Variants in LHX9 observed in about 807,000 individuals in gnomAD.
LHX9 encodes LIM homeobox 9.
LHX9 carries 9 observed loss-of-function variants against 36.5 expected under a neutral mutation model. The ratio of observed to expected loss-of-function variants is 0.25; its 90% CI spans 0.15 to 0.43. The LOEUF (loss-of-function observed/expected upper bound fraction) is 0.43. Ranked by LOEUF, LHX9 falls within the 20% of genes least tolerant of loss-of-function variation. The probability of loss-of-function intolerance (pLI) is 1.00; values close to 1 mark genes in which losing one functional copy is unlikely to be tolerated. For missense variants in LHX9, 464 were observed against 526.4 expected (o/e 0.88, Z 1.16); for synonymous variants, 211 against 212.1 (o/e 0.99, Z 0.04).
At chr1:197,915,139 CA>C (rs1659709945), upstream of LHX9, among the ~76,000 whole-genome samples, 1 of 152,184 alleles carries the variant, frequency 6.6e-6, no homozygotes, top group Non-Finnish European at 1.5e-5. Flanking sequence ...GGGCAATATG[CA>C]ACAAGAACCA....
At chr1:197,912,682 T>C, upstream of LHX9, 4 of 1,049,088 alleles carry the variant, frequency 3.8e-6, no homozygotes, top group Non-Finnish European at 6.0e-6. Context: ...TGTGTGTTTG[T>C]CTTAAAAATT....
chr1:197,920,003 C>T lies in LHX9; in HGVS notation c.206C>T (p.Ala69Val), dbSNP rs1659923495. The change falls in exon 2 of 5, where the codon GCC becomes GTC. Residue 69 changes from alanine (A) to valine (V), a missense_variant. Coordinates refer to ENST00000367387, the MANE Select transcript of LHX9 (RefSeq NM_020204.3). ...CCCCCGCTCAGCCCGGAGAAGCCCG[C>T]CCTGTGCGCCGGCTGCGGGGGCAAG... ...GMPPLSPEKP[A>V]LCAGCGGKIS... 1 of 1,614,074 alleles carries T rather than the reference C, an allele frequency of 6.2e-7. No individual in the cohort carries two copies. The highest frequency in any genetic ancestry group is 8.5e-7 in the Non-Finnish European group (1 of 1,180,052).
In LHX9 at chr1:197,929,505, C is replaced by CT. The variant is rs1311448459; in HGVS notation, c.*249dup. 2 of 980,170 alleles carry CT rather than the reference C, an allele frequency of 2.0e-6. No individual in the cohort carries two copies. The highest frequency in any genetic ancestry group is 2.4e-6 in the Non-Finnish European group (2 of 816,654). The allele number at this position is 980,170 out of a possible 1,614,324, so 60.7% of individuals were successfully genotyped here. On this transcript the variant is annotated 3_prime_UTR_variant, in exon 5 of 5. Transcript: ENST00000367387. ...TTGGATTTAAAAAAATTAATTAGGT[C>CT]TTTCAGTTGGTAAGGAGAGTTTTTG... is the stretch of plus-strand genomic sequence containing the variant.
rs1422523677 is a variant in LHX9 at position 197,931,586 on chromosome 1, C to T, written c.*2327C>T. The stretch of plus-strand genomic sequence containing the variant: ...TACAACATTGTTAGAAATATTTAAA[C>T]ATACAAATAGTTTTTAGACTTCCAA... On this transcript the variant is annotated 3_prime_UTR_variant, in exon 5 of 5. Transcript: ENST00000367387. 4.8e-6 allele frequency: 1 copy of T among 210,370 alleles called. No individual in the cohort carries two copies. The highest frequency in any genetic ancestry group is 9.5e-6 in the Non-Finnish European group (1 of 105,678). 13.0% of individuals were successfully genotyped at this position (210,370 alleles called of 1,614,324 possible). A position where few individuals can be genotyped will look rare whatever the true frequency, so the allele number is the denominator to read the frequency against.
At chr1:197,915,109 T>C (rs60091601), upstream of LHX9, among the ~76,000 whole-genome samples, 4,395 of 152,328 alleles carry the variant, frequency 0.029, 237 homozygotes, top group African/African-American at 0.099. Flanking sequence ...GGGTTCTTCA[T>C]TGTTGATTTT....
chr1:197,922,457 C>T (rs542345433), intron 3 of LHX9, among the ~76,000 whole-genome samples: 23 of 152,282 alleles, frequency 1.5e-4, no homozygotes, highest in African/African-American at 3.6e-4. Flanking sequence ...TTGGGGGACA[C>T]GCCTATCATG....
chr1:197,912,703 T>C (rs1557968210), upstream of LHX9: 7 of 856,042 alleles, frequency 8.2e-6, no homozygotes, highest in East Asian at 1.2e-4. Flanking sequence ...AAACCGCGCT[T>C]CGTAGGCTCA....
chr1:197,919,990 C>T lies in LHX9; in HGVS notation c.193C>T (p.Pro65Ser). ...GRDAGMPPLS[P>S]EKPALCAGCG... Reference sequence around the variant, plus strand: ...TTTGCAGGGCATGCCCCCGCTCAGCCCGGAGAAGCCCGCCCTGTGCGCCGG... The same window carrying T: ...TTTGCAGGGCATGCCCCCGCTCAGCTCGGAGAAGCCCGCCCTGTGCGCCGG... The change falls in exon 2 of 5, where the codon CCG becomes TCG. Residue 65 changes from proline (P) to serine (S), a missense_variant. Pro to Ser is a moderately conservative substitution (Grantham distance 74, BLOSUM62 -1). Transcript: ENST00000367387. The T allele has an allele frequency of 6.2e-7, 1 of 1,614,174 alleles. No homozygotes were observed. The highest frequency in any genetic ancestry group is 8.5e-7 in the Non-Finnish European group (1 of 1,180,038).
upstream of LHX9, among the ~76,000 whole-genome samples, chr1:197,913,990 A>G (rs953929621): frequency 4.6e-5 from 7 of 152,042 alleles, no homozygotes; most frequent in Admixed American, 2.0e-4. Flanking sequence ...TTCTTTGCCC[A>G]TGTAGACCCA....
chr1:197,917,671 C>T lies in LHX9; in HGVS notation c.-153C>T, dbSNP rs551044921. 56 of 1,555,594 alleles carry T rather than the reference C, an allele frequency of 3.6e-5. No individual in the cohort carries two copies. In the South Asian group the frequency reaches 6.3e-4, roughly 18 times the overall value. On this transcript the variant is annotated 5_prime_UTR_variant, in exon 1 of 5. Transcript: ENST00000367387. Reference sequence around the variant, plus strand: ...TTCTTTTTGCTTCCCCTCGGCCCCCCAAGCAGACCGATTTCCACTCCATCT... The same window carrying T: ...TTCTTTTTGCTTCCCCTCGGCCCCCTAAGCAGACCGATTTCCACTCCATCT...
rs1215270440 is a variant in LHX9 at position 197,929,157 on chromosome 1, C to T, written c.1092C>T (p.Asp364=). ...TPPGTATTLT[D]LTNPTITVVT... is the part of the protein sequence containing the mutation. ...CCGGCACTGCGACCACTTTAACAGA[C>T]CTGACCAATCCCACTATCACTGTAG... The change falls in exon 5 of 5, where the codon GAC becomes GAT. Residue 364 remains aspartate (D), a synonymous_variant. Coordinates refer to ENST00000367387, the MANE Select transcript of LHX9 (RefSeq NM_020204.3). The T allele has an allele frequency of 6.2e-7, 1 of 1,613,108 alleles. No homozygotes were observed. The highest frequency in any genetic ancestry group is 1.3e-5 in the African/African-American group (1 of 75,026).
rs1480882388 is a variant in LHX9, at chr1:197,930,872, C to T, written c.*1613C>T. On this transcript the variant is annotated 3_prime_UTR_variant, in exon 5 of 5. Transcript: ENST00000367387. ...AGTATGGTTATCATCTTATATGGAG[C>T]TTAAATCTTGACTTTTCATACTTCT... is the stretch of plus-strand genomic sequence containing the variant. The T allele has an allele frequency of 1.3e-5, 2 of 151,970 alleles. No individual in the cohort carries two copies. Among genetic ancestry groups the T allele is most frequent in the African/African-American group, 2.4e-5 (1 of 41,428 alleles). 9.4% of individuals were successfully genotyped at this position (151,970 alleles called of 1,614,324 possible). A position where few individuals can be genotyped will look rare whatever the true frequency, so the allele number is the denominator to read the frequency against.
At chr1:197,915,020 C>CT (rs1271761827), upstream of LHX9, among the ~76,000 whole-genome samples, 1 of 152,128 alleles carries the variant, frequency 6.6e-6, no homozygotes, top group African/African-American at 2.4e-5. Context: ...AAAGTTCTGG[C>CT]TTTTTCCTGG....
rs1571410450 is a variant in LHX9, at chr1:197,932,187, C to G, written c.*2928C>G. 2.4e-6 allele frequency: 1 copy of G among 415,500 alleles called. No homozygotes were observed. The highest frequency in any genetic ancestry group is 3.4e-5 in the East Asian group (1 of 29,570). The allele number at this position is 415,500 out of a possible 1,614,324, so 25.7% of individuals were successfully genotyped here. On this transcript the variant is annotated 3_prime_UTR_variant, in exon 5 of 5. Transcript: ENST00000367387. ...AAGGCCTAAAATTATGTGGTTTAAACAAAATTAGATAAACCATGTACAAAA... is the reference window on the plus strand; with the variant it reads ...AAGGCCTAAAATTATGTGGTTTAAAGAAAATTAGATAAACCATGTACAAAA...
chr1:197,917,090 ATGTGTGTGTGTGTG>A (rs5779891), upstream of LHX9: 1 of 157,416 alleles, frequency 6.4e-6, no homozygotes. Flanking sequence ...TCTTGGAAGG[ATGTGTGTGTGTGTG>A]TGTGTGTGTG....
At position 197,931,895 on chromosome 1, in the gene LHX9, A is replaced by C. The variant is rs2102605493; in HGVS notation, c.*2636A>C. 6.5e-7 allele frequency: 1 copy of C among 1,542,060 alleles called. No individual in the cohort carries two copies. Among genetic ancestry groups the C allele is most frequent in the Non-Finnish European group, 8.8e-7 (1 of 1,139,882 alleles). On this transcript the variant is annotated 3_prime_UTR_variant, in exon 5 of 5. Transcript: ENST00000367387. Reference sequence around the variant, plus strand: ...AAGCCAAGTTGCTCTGTAGTTAATAAATTGTCACTATGATTTTTTTCAGGG... The same window carrying C: ...AAGCCAAGTTGCTCTGTAGTTAATACATTGTCACTATGATTTTTTTCAGGG...
intron 1 of LHX9, among the ~76,000 whole-genome samples, 188 bp from the exon 2 acceptor site, chr1:197,919,784 G>A (rs1385290108): frequency 6.6e-6 from 1 of 152,256 alleles, no homozygotes. Flanking sequence ...GGCAGACACG[G>A]AAGAAAGCAA....
chr1:197,926,386 T>C (rs1395106243), intron 3 of LHX9, among the ~76,000 whole-genome samples: 1 of 152,188 alleles, frequency 6.6e-6, no homozygotes, highest in Non-Finnish European at 1.5e-5. Context: ...TTTATATAAC[T>C]ATCTGAAGGA....
upstream of LHX9, chr1:197,916,779 A>G: frequency 1.4e-6 from 1 of 702,996 alleles, no homozygotes; most frequent in Non-Finnish European, 2.6e-6. Flanking sequence ...ATTGTCAGAC[A>G]GCTGCTTTTA....
Sources: gnomAD v4.1 joint callset for allele counts (sites outside exome capture counted in the v4.1 genomes callset) on GRCh38, gnomAD v4.1.1 for gene constraint, MANE v1.5 for transcripts, NCBI Gene and HGNC (gene_info 2026-07-23, HGNC 2026-07-21) for gene names.